The following GRK5 variants were observed in gnomAD, a reference collection of about 807,000 sequenced individuals.
GRK5 encodes G protein-coupled receptor kinase 5.
A neutral mutation model predicts 78.4 loss-of-function variants in GRK5; 40 were observed. That is an observed-to-expected ratio of 0.51 (90% CI 0.40 to 0.66). The LOEUF is 0.66. GRK5 is among the 30% of genes least tolerant of loss of function. The probability of loss-of-function intolerance (pLI) is 0.00; values close to 1 mark genes in which losing one functional copy is unlikely to be tolerated. For synonymous variants in GRK5, 289 were observed against 296.8 expected, an observed-to-expected ratio of 0.97 and a Z score of 0.27; for missense variants, 598 against 759.9, an observed-to-expected ratio of 0.79 and a Z score of 2.50.
chr10:119,255,419 C>G (rs1176869183), intron 1 of GRK5, among the ~76,000 whole-genome samples: 1 of 152,224 alleles, frequency 6.6e-6, no homozygotes, highest in African/African-American at 2.4e-5. Context: ...ACTCCAATGA[C>G]CTCTCCCTTC....
chr10:119,229,680 C>T (rs543354990), intron 1 of GRK5, among the ~76,000 whole-genome samples: 5 of 152,254 alleles, frequency 3.3e-5, no homozygotes, highest in Admixed American at 6.5e-5. Context: ...ACAAAGTAAT[C>T]TAAGTACAGA....
At chr10:119,235,068 C>T (rs920867832) in intron 1 of GRK5, among the ~76,000 whole-genome samples, 1 of 152,118 alleles carries the variant, frequency 6.6e-6, no homozygotes, top group African/African-American at 2.4e-5. Context: ...TCTGCCTTCC[C>T]AGGCTTGGGT....
chr10:119,410,304 GT>G (rs1239462784), intron 4 of GRK5, among the ~76,000 whole-genome samples: 1 of 152,158 alleles, frequency 6.6e-6, no homozygotes, highest in Non-Finnish European at 1.5e-5. Flanking sequence ...TTCTGCCAGC[GT>G]TTAAAGATAT....
intron 1 of GRK5, among the ~76,000 whole-genome samples, chr10:119,299,142 A>G (rs1343600918): frequency 6.6e-6 from 1 of 152,184 alleles, no homozygotes. Context: ...GAGGCCTAGG[A>G]GGCTTGAAAT....
rs961759521 is a variant in GRK5, at chr10:119,452,937, A to C, written c.1542+129A>C. Reference sequence around the variant, plus strand: ...TGGTTTCTGTTTTCTCCATGAAGGCAGCACACAAAAGCTGTCAGTGGCCAA... The same window carrying C: ...TGGTTTCTGTTTTCTCCATGAAGGCCGCACACAAAAGCTGTCAGTGGCCAA... On this transcript the variant is annotated intron_variant, in intron 14 of 15. Transcript: ENST00000392870. The surrounding 1 kb of genome is among the most constrained non-coding windows in gnomAD (Gnocchi z 4.4). 16 of 1,167,430 alleles carry C rather than the reference A, an allele frequency of 1.4e-5. No individual in the cohort carries two copies. The African/African-American group carries it at 2.1e-4, about 15-fold the overall frequency. The allele number at this position is 1,167,430 out of a possible 1,614,324, so 72.3% of individuals were successfully genotyped here.
At chr10:119,343,577 G>A (rs1484900848) in intron 2 of GRK5, among the ~76,000 whole-genome samples, 3 of 152,222 alleles carry the variant, frequency 2.0e-5, no homozygotes, top group African/African-American at 7.2e-5. Context: ...CTCCATATTG[G>A]CCATGGCTTC....
At chr10:119,283,398 C>T (rs116119781) in intron 1 of GRK5, among the ~76,000 whole-genome samples, 241 of 152,286 alleles carry the variant, frequency 1.6e-3, no homozygotes, top group African/African-American at 5.7e-3. Flanking sequence ...CCCACCTCGT[C>T]CCCTAACCTG....
intron 2 of GRK5, among the ~76,000 whole-genome samples, chr10:119,369,475 C>T (rs184186940): frequency 1.3e-5 from 2 of 152,300 alleles, no homozygotes; most frequent in Admixed American, 6.5e-5. Context: ...CCCCAGGCCC[C>T]GCACGGAAAG....
intron 1 of GRK5, among the ~76,000 whole-genome samples, chr10:119,252,144 C>G (rs531335740): frequency 4.6e-5 from 7 of 152,316 alleles, no homozygotes; most frequent in African/African-American, 1.7e-4. Context: ...ATAGGGGCAG[C>G]TGTGTGAGTA....
intron 1 of GRK5, among the ~76,000 whole-genome samples, chr10:119,313,252 T>C: frequency 6.7e-6 from 1 of 149,974 alleles, no homozygotes; most frequent in African/African-American, 2.4e-5. Context: ...GTAATGGTGG[T>C]GGTGATGGTG....
chr10:119,378,327 C>T lies in GRK5; in HGVS notation c.149-2488C>T, dbSNP rs544651568. On this transcript the variant is annotated intron_variant, in intron 2 of 15. Coordinates refer to ENST00000392870, the MANE Select transcript of GRK5 (RefSeq NM_005308.3). The surrounding 1 kb of genome is among the most constrained non-coding windows in gnomAD (Gnocchi z 4.5). ...CGGCTGAAGGGCAGAGTTTAGGCTG[C>T]AGTCCAGGGCTAGTTGGAGCCACAA... Among the ~76,000 whole-genome samples, 1 of 152,334 alleles carries T rather than the reference C, an allele frequency of 6.6e-6. No individual in the cohort carries two copies. Among genetic ancestry groups the T allele is most frequent in the Admixed American group, 6.5e-5 (1 of 15,306 alleles).
chr10:119,375,246 G>A (rs1486853293), intron 2 of GRK5, among the ~76,000 whole-genome samples: 1 of 152,096 alleles, frequency 6.6e-6, no homozygotes, highest in East Asian at 1.9e-4. Flanking sequence ...GGTCCTCCTG[G>A]CATCTCACCT....
At chr10:119,305,666 A>G (rs978547406) in intron 1 of GRK5, among the ~76,000 whole-genome samples, 4 of 152,196 alleles carry the variant, frequency 2.6e-5, no homozygotes, top group Non-Finnish European at 4.4e-5. Flanking sequence ...GCAGCAATAA[A>G]GTGCCACTCC....
In GRK5 at chr10:119,412,096, C is replaced by T. The variant is rs1307273381; in HGVS notation, c.340-11070C>T. Reference sequence around the variant, plus strand: ...GAACTCCTGACCTCAGGTGATCCACCTCCCTCGGCCTCCCAAAGTGCTGGG... The same window carrying T: ...GAACTCCTGACCTCAGGTGATCCACTTCCCTCGGCCTCCCAAAGTGCTGGG... On this transcript the variant is annotated intron_variant, in intron 4 of 15. Transcript: ENST00000392870. The surrounding 1 kb of genome is among the most constrained non-coding windows in gnomAD (Gnocchi z 4.3). Among the ~76,000 whole-genome samples, 1 of 152,102 alleles carries T rather than the reference C, an allele frequency of 6.6e-6. No homozygotes were observed. The highest frequency in any genetic ancestry group is 2.4e-5 in the African/African-American group (1 of 41,430).
intron 1 of GRK5, among the ~76,000 whole-genome samples, chr10:119,216,139 C>T (rs1279765647): frequency 6.6e-6 from 1 of 152,228 alleles, no homozygotes; most frequent in Non-Finnish European, 1.5e-5. Context: ...ATTGCTTGTT[C>T]CCTGGTGTCC....
rs114360399 is a variant in GRK5 at position 119,210,217 on chromosome 10, C to A, written c.52+2248C>A. Among the ~76,000 whole-genome samples the A allele has an allele frequency of 5.1e-3, 776 of 152,216 alleles. 5 individuals carry two copies. The highest frequency in any genetic ancestry group is 0.018 in the African/African-American group (745 of 41,526). Reference sequence around the variant, plus strand: ...TCGTCATCTCATGGTGAGAAAATAGCTCTTGATGATGCCTTGGAAATGGAG... The same window carrying A: ...TCGTCATCTCATGGTGAGAAAATAGATCTTGATGATGCCTTGGAAATGGAG... On this transcript the variant is annotated intron_variant, in intron 1 of 15. Transcript: ENST00000392870.
chr10:119,240,649 G>A (rs1442679267), intron 1 of GRK5, among the ~76,000 whole-genome samples: 3 of 151,752 alleles, frequency 2.0e-5, no homozygotes, highest in African/African-American at 7.3e-5. Flanking sequence ...AGAAGTATCT[G>A]TTCATATCCT....
At chr10:119,244,307 T>C (rs770721103) in intron 1 of GRK5, among the ~76,000 whole-genome samples, 3 of 152,236 alleles carry the variant, frequency 2.0e-5, no homozygotes, top group Non-Finnish European at 4.4e-5. Context: ...CTAAAGTAAA[T>C]TGTATATTTT....
chr10:119,225,412 A>G (rs190415046), intron 1 of GRK5, among the ~76,000 whole-genome samples: 9 of 152,336 alleles, frequency 5.9e-5, no homozygotes, highest in African/African-American at 1.9e-4. Context: ...AAGACATCCC[A>G]CAAGGAGTGA....
Sources: gnomAD v4.1 joint callset for allele counts (sites outside exome capture counted in the v4.1 genomes callset) on GRCh38, gnomAD v4.1.1 for gene constraint, Gnocchi (gnomAD v3.1) non-coding constraint, MANE v1.5 for transcripts, NCBI Gene and HGNC (gene_info 2026-07-23, HGNC 2026-07-21) for gene names.